The following THADA variants were observed in gnomAD, a reference collection of about 807,000 sequenced individuals.
THADA encodes THADA armadillo repeat containing, also known as tRNA (32-2'-O)-methyltransferase regulator THADA.
A neutral mutation model predicts 219.8 loss-of-function variants in THADA; 213 were observed. The observed-to-expected ratio is 0.97, with a 90% CI of 0.87 to 1.09. THADA has a LOEUF of 1.09. Among genes scored for constraint, THADA ranks in the 50% least tolerant of loss-of-function variants. The pLI is 0.00. For synonymous variants in THADA, 1,018 were observed against 828.9 expected (o/e 1.23, Z -3.92); for missense variants, 2,956 against 2,311.3 (o/e 1.28, Z -5.72).
intron 29 of THADA, among the ~76,000 whole-genome samples, chr2:43,377,574 A>G (rs1671523270): frequency 6.6e-6 from 1 of 152,062 alleles, no homozygotes; most frequent in African/African-American, 2.4e-5. Context: ...AAACTGTTCT[A>G]CTCACTAGAA....
chr2:43,554,545 T>C (rs1416421465), intron 17 of THADA, among the ~76,000 whole-genome samples: 2 of 152,156 alleles, frequency 1.3e-5, no homozygotes, highest in African/African-American at 4.8e-5. Context: ...GTAAATGGCT[T>C]GTAAACATGG....
intron 31 of THADA, among the ~76,000 whole-genome samples, chr2:43,300,879 C>T (rs1676183369): frequency 6.6e-6 from 1 of 152,218 alleles, no homozygotes; most frequent in Non-Finnish European, 1.5e-5. Context: ...GCCTCGACCT[C>T]ACCCCAGAGT....
At chr2:43,420,672 C>G (rs115788671) in intron 28 of THADA, among the ~76,000 whole-genome samples, 1,757 of 152,250 alleles carry the variant, frequency 0.012, 29 homozygotes, top group South Asian at 0.071. Flanking sequence ...TCCTTCTGCT[C>G]AAAAACATAT....
chr2:43,515,907 C>A (rs1691664072), intron 22 of THADA, among the ~76,000 whole-genome samples: 1 of 152,060 alleles, frequency 6.6e-6, no homozygotes, highest in South Asian at 2.1e-4. Context: ...ACTTAACATG[C>A]CCCAAACTAA....
At chr2:43,494,867 A>C (rs1346549960) in intron 25 of THADA, among the ~76,000 whole-genome samples, 1 of 152,232 alleles carries the variant, frequency 6.6e-6, no homozygotes, top group African/African-American at 2.4e-5. Context: ...TCAATACGAA[A>C]GACTAAGGAG....
chr2:43,387,389 T>G (rs908400940), intron 29 of THADA, among the ~76,000 whole-genome samples: 1 of 152,178 alleles, frequency 6.6e-6, no homozygotes, highest in South Asian at 2.1e-4. Context: ...TTCATAACAC[T>G]TTTCCAGTAG....
At chr2:43,400,484 T>TATATATATATATATATATATATATAC (rs1553427596) in intron 28 of THADA, among the ~76,000 whole-genome samples, 5 of 145,960 alleles carry the variant, frequency 3.4e-5, no homozygotes, top group African/African-American at 7.6e-5. Context: ...TATAAATATA[T>TATATATATATATATATATATATATAC]ACACTAAGAA....
chr2:43,239,784 A>T (rs543069950), intron 36 of THADA, among the ~76,000 whole-genome samples: 1 of 152,318 alleles, frequency 6.6e-6, no homozygotes, highest in African/African-American at 2.4e-5. Flanking sequence ...CAGGCATCTG[A>T]AAAATCCCTC....
chr2:43,320,613 T>C, intron 30 of THADA, 73 bp from the exon 31 acceptor site: 5 of 1,126,716 alleles, frequency 4.4e-6, no homozygotes, highest in Non-Finnish European at 6.5e-6. Flanking sequence ...AAGGAGAACA[T>C]GGGTATTTTC....
chr2:43,432,855 T>G (rs1679548634), intron 26 of THADA, among the ~76,000 whole-genome samples: 2 of 152,232 alleles, frequency 1.3e-5, no homozygotes, highest in Admixed American at 6.5e-5. Context: ...TTTTGCTCAT[T>G]TTTAATAGGT....
chr2:43,504,090 C>A (rs542972185), intron 24 of THADA, among the ~76,000 whole-genome samples: 2 of 152,176 alleles, frequency 1.3e-5, no homozygotes, highest in South Asian at 4.1e-4. Flanking sequence ...AAACTGAACT[C>A]TGAAACACTT....
In THADA at chr2:43,485,299, A is replaced by G; in HGVS notation, c.3771T>C (p.Phe1257=). 6.2e-7 allele frequency: 1 copy of G among 1,613,116 alleles called. No homozygotes were observed. Among genetic ancestry groups the G allele is most frequent in the Non-Finnish European group, 8.5e-7 (1 of 1,179,396 alleles). The part of the protein sequence containing the change: ...WAVRNSSTLL[F]SALITRIFGV... ...CAAAAATTCTTGTGATCAAGGCACT[A>G]AAGAGAAGTGTGGATGAATTTCGCA... Residue 1257 remains phenylalanine (F), a synonymous_variant, in exon 26 of 38, where the codon TTT becomes TTC. Transcript: ENST00000405975.
At chr2:43,470,242 A>G (rs932785810) in intron 26 of THADA, among the ~76,000 whole-genome samples, 1 of 152,006 alleles carries the variant, frequency 6.6e-6, no homozygotes, top group Admixed American at 6.6e-5. Context: ...AAGGAAAAGA[A>G]AAGAAATCTG....
intron 5 of THADA, 60 bp from the exon 6 acceptor site, chr2:43,586,794 A>G: frequency 6.2e-7 from 1 of 1,610,782 alleles, no homozygotes; most frequent in Non-Finnish European, 8.5e-7. Flanking sequence ...ATGTCATTTA[A>G]AAACTATGAT....
intron 16 of THADA, among the ~76,000 whole-genome samples, chr2:43,559,427 C>T (rs1697791233): frequency 6.6e-6 from 1 of 152,132 alleles, no homozygotes; most frequent in African/African-American, 2.4e-5. Context: ...GCTACCATGC[C>T]CTAAACACAG....
chr2:43,403,493 C>A (rs915361854), intron 28 of THADA, among the ~76,000 whole-genome samples: 3 of 152,108 alleles, frequency 2.0e-5, no homozygotes, highest in Non-Finnish European at 2.9e-5. Flanking sequence ...AACTTTAAGG[C>A]TCAGTAGCAC....
chr2:43,565,505 C>G (rs1237619439), intron 15 of THADA: 1 of 151,608 alleles, frequency 6.6e-6, no homozygotes, highest in Admixed American at 6.6e-5. Context: ...TGAAACTTTG[C>G]TGCTGATTTA....
intron 29 of THADA, among the ~76,000 whole-genome samples, chr2:43,385,628 A>G (rs988614293): frequency 3.3e-5 from 5 of 151,062 alleles, no homozygotes; most frequent in African/African-American, 9.7e-5. Flanking sequence ...AAAAAAAAAA[A>G]AAGAAGAAGG....
In THADA at chr2:43,570,494, T is replaced by A; in HGVS notation, c.2081A>T (p.Gln694Leu). 1.2e-6 allele frequency: 2 copies of A among 1,608,812 alleles called. No individual in the cohort carries two copies. Among genetic ancestry groups the A allele is most frequent in the Non-Finnish European group, 1.7e-6 (2 of 1,178,528 alleles). ...TTTATAAAGTACCTGAGAACTTTCC[T>A]GTATCCTACAAAACAACTTTTGAAA... ...SLLKKLFCRI[Q>L]ESSQVLYKLE... Residue 694 changes from glutamine to leucine, a missense_variant, in exon 14 of 38, where the codon CAG (glutamine) becomes CTG (leucine). By Grantham distance (113) the Gln-to-Leu change is moderately radical. Transcript: ENST00000405975.
Sources: allele counts gnomAD v4.1 joint callset (sites outside exome capture counted in the v4.1 genomes callset), GRCh38; gene constraint gnomAD v4.1.1; transcripts MANE v1.5; gene names NCBI Gene and HGNC (gene_info 2026-07-23, HGNC 2026-07-21).